The following PHIP variants were observed in gnomAD, a reference collection of about 807,000 sequenced individuals.
PHIP encodes PHIP subunit of CUL4-Ring ligase complex.
Under a neutral mutation model 236.8 loss-of-function variants are expected in PHIP, and 54 were observed. The ratio of observed to expected loss-of-function variants is 0.23; its 90% CI spans 0.18 to 0.29. PHIP has a LOEUF of 0.29. PHIP is among the 10% of genes least tolerant of loss of function. The pLI is 1.00. For missense variants in PHIP, 1,370 were observed against 2,190.8 expected (o/e 0.63, Z 7.48); for synonymous variants, 756 against 718.9 (o/e 1.05, Z -0.83).
At position 79,069,128 on chromosome 6, in the gene PHIP, TA is replaced by T. The variant is rs570747491; in HGVS notation, c.190-8311del. The stretch of plus-strand genomic sequence containing the variant: ...CTTATTTGTACACTACTGTAGCATA[TA>T]AACAAAATTATAGAAATACAATATA... On this transcript the variant is annotated intron_variant, in intron 4 of 39. Coordinates refer to ENST00000275034, the MANE Select transcript of PHIP (RefSeq NM_017934.7). 6.3e-3 allele frequency among the ~76,000 whole-genome samples: 943 copies of T among 149,972 alleles called. 10 individuals carry two copies. The highest frequency in any genetic ancestry group is 0.022 in the African/African-American group (902 of 41,138).
chr6:79,012,489 T>C (rs1421535440), intron 15 of PHIP, among the ~76,000 whole-genome samples: 1 of 151,744 alleles, frequency 6.6e-6, no homozygotes, highest in Non-Finnish European at 1.5e-5. Context: ...TTCTTCATCC[T>C]CTAATAGACC....
intron 39 of PHIP, among the ~76,000 whole-genome samples, chr6:78,943,990 TA>T (rs558983037): frequency 1.2e-4 from 9 of 78,156 alleles, no homozygotes; most frequent in African/African-American, 2.1e-4. Flanking sequence ...TGTCTTTTTT[TA>T]AAAAAAAAAA....
At chr6:78,952,448 A>G (rs556590310) in intron 35 of PHIP, among the ~76,000 whole-genome samples, 21 of 151,404 alleles carry the variant, frequency 1.4e-4, no homozygotes, top group Admixed American at 8.6e-4. Context: ...AAAGAAAAAA[A>G]AAAAGGAAAA....
intron 15 of PHIP, among the ~76,000 whole-genome samples, chr6:79,010,126 A>T (rs1770498462): frequency 6.6e-6 from 1 of 151,736 alleles, no homozygotes; most frequent in Non-Finnish European, 1.5e-5. Flanking sequence ...GGGAGAAAAG[A>T]AAAGAAAGAG....
chr6:78,963,333 T>A, intron 29 of PHIP, 81 bp from the exon 30 acceptor site: 1 of 1,097,086 alleles, frequency 9.1e-7, no homozygotes. Context: ...AAAATAACAG[T>A]CACAAAATTA....
intron 30 of PHIP, 128 bp downstream of exon 30, chr6:78,962,969 C>A (rs1766881921): frequency 4.3e-6 from 3 of 690,428 alleles, no homozygotes; most frequent in South Asian, 5.0e-5. Context: ...AAAGAGATTC[C>A]ACTTAAAATG....
intron 7 of PHIP, among the ~76,000 whole-genome samples, chr6:79,026,526 T>C (rs114275382): frequency 1.5e-3 from 221 of 152,178 alleles, no homozygotes; most frequent in African/African-American, 4.9e-3. Flanking sequence ...ACTAATATTA[T>C]CTATTTTGTT....
At chr6:79,005,722 T>A (rs932902175) in intron 15 of PHIP, among the ~76,000 whole-genome samples, 3 of 152,052 alleles carry the variant, frequency 2.0e-5, no homozygotes, top group Admixed American at 1.3e-4. Context: ...GACTTGAAAG[T>A]AGTCCAATTT....
At chr6:78,980,664 T>TA (rs1164280220) in intron 23 of PHIP, among the ~76,000 whole-genome samples, 1 of 152,012 alleles carries the variant, frequency 6.6e-6, no homozygotes, top group African/African-American at 2.4e-5. Flanking sequence ...AGTTATCAAA[T>TA]AAAGTAGCCA....
intron 4 of PHIP, among the ~76,000 whole-genome samples, chr6:79,076,492 C>T (rs1024189646): frequency 3.9e-5 from 6 of 152,164 alleles, no homozygotes; most frequent in Non-Finnish European, 8.8e-5. Context: ...GAAAATATAG[C>T]TCCTTTAAAG....
intron 6 of PHIP, among the ~76,000 whole-genome samples, chr6:79,052,054 T>C (rs762638394): frequency 2.0e-5 from 3 of 152,098 alleles, no homozygotes; most frequent in East Asian, 1.9e-4. Flanking sequence ...CTCATGGAGA[T>C]TGCAGTCTAG....
chr6:79,070,517 GGTAT>G (rs1773830413), intron 4 of PHIP, among the ~76,000 whole-genome samples: 1 of 152,118 alleles, frequency 6.6e-6, no homozygotes, highest in African/African-American at 2.4e-5. Flanking sequence ...TCAAACACAA[GGTAT>G]GTATTTCTTG....
intron 15 of PHIP, among the ~76,000 whole-genome samples, chr6:79,007,836 C>T (rs1770368530): frequency 6.6e-6 from 1 of 151,544 alleles, no homozygotes; most frequent in Admixed American, 6.6e-5. Context: ...CTAAGAATAA[C>T]CCTTAAGAAG....
intron 7 of PHIP, among the ~76,000 whole-genome samples, chr6:79,029,994 G>A (rs1463874136): frequency 6.6e-6 from 1 of 151,998 alleles, no homozygotes; most frequent in African/African-American, 2.4e-5. Context: ...ATAGTCTTTT[G>A]ACCAAAGAAA....
At chr6:78,954,748 C>A in intron 35 of PHIP, 66 bp downstream of exon 35, 2 of 938,616 alleles carry the variant, frequency 2.1e-6, no homozygotes, top group Non-Finnish European at 3.1e-6. Flanking sequence ...ACTAAAATAG[C>A]CAACTGTCAT....
At chr6:79,035,527 A>AT (rs1319685194) in intron 7 of PHIP, among the ~76,000 whole-genome samples, 1 of 152,184 alleles carries the variant, frequency 6.6e-6, no homozygotes, top group Non-Finnish European at 1.5e-5. Flanking sequence ...AAATTATGTG[A>AT]TTTTTTAACT....
intron 6 of PHIP, among the ~76,000 whole-genome samples, chr6:79,043,933 A>G (rs1485365439): frequency 6.6e-6 from 1 of 151,930 alleles, no homozygotes; most frequent in East Asian, 1.9e-4. Flanking sequence ...TATATACAAA[A>G]TACTACTTAG....
chr6:79,022,209 C>T lies in PHIP; in HGVS notation c.924-3050G>A, dbSNP rs997689754. On this transcript the variant is annotated intron_variant, in intron 9 of 39. Transcript: ENST00000275034. ...AGTTAACATTTCTGTACCTCAGTAT[C>T]CTCATCTGTAAAACAGGGGTAAAAC... Among the ~76,000 whole-genome samples, 5 of 152,254 alleles carry T rather than the reference C, an allele frequency of 3.3e-5. No homozygotes were observed. In the South Asian group the frequency reaches 8.3e-4, roughly 25 times the overall value.
At chr6:79,075,452 A>G (rs1774102990) in intron 4 of PHIP, among the ~76,000 whole-genome samples, 3 of 152,072 alleles carry the variant, frequency 2.0e-5, no homozygotes, top group Non-Finnish European at 4.4e-5. Context: ...AGCAAGAAAA[A>G]CCACTTCCAT....
Sources: gnomAD v4.1 joint callset for allele counts (sites outside exome capture counted in the v4.1 genomes callset) on GRCh38, gnomAD v4.1.1 for gene constraint, MANE v1.5 for transcripts, NCBI Gene and HGNC (gene_info 2026-07-23, HGNC 2026-07-21) for gene names.